Variants in ZBTB16 observed in about 807,000 individuals in gnomAD.
The protein encoded by ZBTB16 is zinc finger and BTB domain-containing protein 16.
ZBTB16 carries 8 observed loss-of-function variants against 56.8 expected under a neutral mutation model. That is an observed-to-expected ratio of 0.14 (90% CI 0.08 to 0.25). The LOEUF is 0.25. Ranked by LOEUF, ZBTB16 falls within the 10% of genes least tolerant of loss-of-function variation. ZBTB16 has a pLI of 1.00. For missense variants in ZBTB16, 625 were observed against 903.0 expected (o/e 0.69, Z 3.95); for synonymous variants, 363 against 368.5 (o/e 0.98, Z 0.17).
chr11:114,093,209 A>G (rs1032269272), intron 2 of ZBTB16, among the ~76,000 whole-genome samples: 1 of 151,982 alleles, frequency 6.6e-6, no homozygotes, highest in African/African-American at 2.4e-5. Flanking sequence ...AGAACCAGAA[A>G]TCACAGCCAC....
At position 114,080,754 on chromosome 11, in the gene ZBTB16, C is replaced by G. The variant is rs1232931322; in HGVS notation, c.1268+16186C>G. Among the ~76,000 whole-genome samples, 4 of 152,160 alleles carry G rather than the reference C, an allele frequency of 2.6e-5. No homozygotes were observed. In the South Asian group the frequency reaches 8.3e-4, roughly 32 times the overall value. ...ACTTCAGATCCATATTCATATCATGCTTGTTGTTCTGGCTAACGAGAGGGA... is the reference window on the plus strand; with the variant it reads ...ACTTCAGATCCATATTCATATCATGGTTGTTGTTCTGGCTAACGAGAGGGA... On this transcript the variant is annotated intron_variant, in intron 2 of 6. Coordinates refer to ENST00000335953, the MANE Select transcript of ZBTB16 (RefSeq NM_006006.6).
intron 2 of ZBTB16, among the ~76,000 whole-genome samples, chr11:114,077,500 C>T (rs913970254): frequency 1.3e-5 from 2 of 152,150 alleles, no homozygotes; most frequent in African/African-American, 2.4e-5. Flanking sequence ...CTCTGACCCC[C>T]GACTCTCACC....
At chr11:114,212,887 A>C (rs1429401381) in intron 4 of ZBTB16, among the ~76,000 whole-genome samples, 1 of 152,032 alleles carries the variant, frequency 6.6e-6, no homozygotes, top group Non-Finnish European at 1.5e-5. Context: ...AAAAATCTGC[A>C]GAGGAAGTCT....
At chr11:114,141,283 C>T (rs1381835826) in intron 2 of ZBTB16, among the ~76,000 whole-genome samples, 3 of 152,194 alleles carry the variant, frequency 2.0e-5, no homozygotes, top group Non-Finnish European at 2.9e-5. Context: ...CCAGAGCCCC[C>T]GAAAGGACCA....
Position 114,059,989 on chromosome 11 carries a change from C to CT in ZBTB16, c.-91+107_-91+108insT. The stretch of plus-strand genomic sequence containing the variant: ...GCGCGCGCTCGCTTCGGCCACTCGG[C>CT]CGCTGGGCTTGTGCCTTTTTTATTT... On this transcript the variant is annotated intron_variant, in intron 1 of 6. Transcript: ENST00000335953. This position sits in a 1 kb window ranked among gnomAD's most constrained non-coding sequence, Gnocchi z 5.3. 1 of 392,554 alleles carries CT rather than the reference C, an allele frequency of 2.5e-6. No homozygotes were observed. Among genetic ancestry groups the CT allele is most frequent in the Non-Finnish European group, 4.5e-6 (1 of 222,634 alleles). The allele number at this position is 392,554 out of a possible 1,614,324, so 24.3% of individuals were successfully genotyped here. A position where few individuals can be genotyped will look rare whatever the true frequency, so the allele number is the denominator to read the frequency against.
In ZBTB16 at chr11:114,250,690, T is replaced by A. The variant is rs1944903056; in HGVS notation, c.*135T>A. ...AGGAAAAGGAAACCTGGTAGCTTTT[T>A]GGCCTTGGATTCTCTCTGGGCTCCA... On this transcript the variant is annotated 3_prime_UTR_variant, in exon 7 of 7. Transcript: ENST00000335953. The surrounding 1 kb of genome is among the most constrained non-coding windows in gnomAD (Gnocchi z 6.0). 6 of 1,019,182 alleles carry A rather than the reference T, an allele frequency of 5.9e-6. No homozygotes were observed. Among genetic ancestry groups the A allele is most frequent in the Non-Finnish European group, 8.6e-6 (6 of 701,504 alleles). The allele number at this position is 1,019,182 out of a possible 1,614,324, so 63.1% of individuals were successfully genotyped here.
chr11:114,247,239 C>T lies in ZBTB16; in HGVS notation c.1666C>T (p.Arg556Trp), dbSNP rs1298247429. Residue 556 changes from arginine to tryptophan, a missense_variant, in exon 6 of 7, where the codon CGG (arginine) becomes TGG (tryptophan). Around this residue, in one of 6 missense-constraint regions of ZBTB16, gnomAD observed 140 missense variants for 214.8 expected, o/e 0.65. Transcript: ENST00000335953. The part of the protein sequence containing the change: ...YECEFCGSCF[R>W]DESTLKSHKR... ...GTGTGAGTTCTGTGGCAGCTGCTTC[C>T]GGGATGAGAGCACACTCAAGAGCCA... The T allele has an allele frequency of 1.2e-6, 2 of 1,614,230 alleles. No homozygotes were observed. Among genetic ancestry groups the T allele is most frequent in the Admixed American group, 1.7e-5 (1 of 60,026 alleles).
intron 2 of ZBTB16, among the ~76,000 whole-genome samples, chr11:114,125,822 A>G (rs1193005335): frequency 2.6e-5 from 4 of 152,118 alleles, no homozygotes; most frequent in African/African-American, 9.7e-5. Context: ...TTACGGTCCT[A>G]CTTGACCCCC....
intron 3 of ZBTB16, among the ~76,000 whole-genome samples, chr11:114,159,576 T>C (rs1321697093): frequency 6.6e-6 from 1 of 152,130 alleles, no homozygotes; most frequent in Non-Finnish European, 1.5e-5. Context: ...GGCTAGACCA[T>C]TTCCTGAATT....
chr11:114,142,515 A>G (rs1476262129), intron 2 of ZBTB16, among the ~76,000 whole-genome samples: 3 of 152,254 alleles, frequency 2.0e-5, no homozygotes, highest in Non-Finnish European at 4.4e-5. Context: ...GGTGTTCAAC[A>G]TATGCGCTGT....
chr11:114,166,765 A>T (rs1045915779), intron 3 of ZBTB16, among the ~76,000 whole-genome samples: 2 of 152,158 alleles, frequency 1.3e-5, no homozygotes, highest in Non-Finnish European at 2.9e-5. Context: ...TGTGTGATGG[A>T]TGTGAACATT....
intron 3 of ZBTB16, among the ~76,000 whole-genome samples, chr11:114,164,575 A>G (rs1356332714): frequency 6.6e-6 from 1 of 152,222 alleles, no homozygotes; most frequent in Admixed American, 6.5e-5. Context: ...GATCAACCTG[A>G]TAATGGCAAT....
chr11:114,204,543 A>G (rs1943810569), intron 4 of ZBTB16, among the ~76,000 whole-genome samples: 1 of 152,098 alleles, frequency 6.6e-6, no homozygotes, highest in African/African-American at 2.4e-5. Context: ...GATCATTTTA[A>G]TGGTTTCCCA....
At chr11:114,087,069 A>G (rs1045771545) in intron 2 of ZBTB16, among the ~76,000 whole-genome samples, 2 of 151,978 alleles carry the variant, frequency 1.3e-5, no homozygotes, top group Admixed American at 1.3e-4. Context: ...TGACATTGCC[A>G]CTTTCTAAGT....
chr11:114,069,955 A>G lies in ZBTB16; in HGVS notation c.1268+5387A>G, dbSNP rs78497678. Among the ~76,000 whole-genome samples the G allele has an allele frequency of 2.1e-3, 319 of 152,184 alleles. 1 individual carries two copies. Among genetic ancestry groups the G allele is most frequent in the African/African-American group, 6.6e-3 (274 of 41,524 alleles). ...CATTTAGTGGCAAAACCTGATCTGAACTGATGTGAGGCTATATTTATCCTG... is the reference window on the plus strand; with the variant it reads ...CATTTAGTGGCAAAACCTGATCTGAGCTGATGTGAGGCTATATTTATCCTG... On this transcript the variant is annotated intron_variant, in intron 2 of 6. Transcript: ENST00000335953.
At chr11:114,110,750 C>T (rs1056131368) in intron 2 of ZBTB16, among the ~76,000 whole-genome samples, 2 of 151,990 alleles carry the variant, frequency 1.3e-5, no homozygotes, top group East Asian at 1.9e-4. Context: ...GAAATATTTA[C>T]GTAATAAAAA....
At chr11:114,206,450 T>TTTCCC (rs1943875385) in intron 4 of ZBTB16, among the ~76,000 whole-genome samples, 1 of 152,174 alleles carries the variant, frequency 6.6e-6, no homozygotes, top group Non-Finnish European at 1.5e-5. Flanking sequence ...AAAGCTCCTC[T>TTTCCC]TTCCCTTTCC....
intron 2 of ZBTB16, among the ~76,000 whole-genome samples, chr11:114,122,585 G>A (rs1454605483): frequency 6.6e-6 from 1 of 152,140 alleles, no homozygotes; most frequent in Non-Finnish European, 1.5e-5. Flanking sequence ...ATCTTTGAAA[G>A]GCAAGTGAGC....
At chr11:114,136,543 A>G (rs1206794795) in intron 2 of ZBTB16, among the ~76,000 whole-genome samples, 1 of 152,090 alleles carries the variant, frequency 6.6e-6, no homozygotes, top group African/African-American at 2.4e-5. Context: ...TGTTCCCCCT[A>G]CTATTGCAAC....
Sources: allele counts gnomAD v4.1 joint callset (sites outside exome capture counted in the v4.1 genomes callset), GRCh38; gene constraint gnomAD v4.1.1; regional missense constraint gnomAD v4.1.1; non-coding constraint Gnocchi (gnomAD v3.1); transcripts MANE v1.5; gene names NCBI Gene and HGNC (gene_info 2026-07-23, HGNC 2026-07-21).